Variants in PSMD1 observed in about 807,000 individuals in gnomAD.
PSMD1 encodes 26S proteasome non-ATPase regulatory subunit 1.
A neutral mutation model predicts 119.0 loss-of-function variants in PSMD1; 18 were observed. The ratio of observed to expected loss-of-function variants is 0.15; its 90% CI spans 0.10 to 0.22. The LOEUF (loss-of-function observed/expected upper bound fraction) is 0.22, where lower values mean the gene tolerates loss of function less well. PSMD1 is among the 10% of genes least tolerant of loss of function. The pLI, the probability that PSMD1 is intolerant of heterozygous loss-of-function variation, is 1.00. For missense variants in PSMD1, 702 were observed against 1,158.5 expected, an observed-to-expected ratio of 0.61 and a Z score of 5.72; for synonymous variants, 374 against 396.6, an observed-to-expected ratio of 0.94 and a Z score of 0.68.
chr2:231,085,884 A>G (rs1694419099), intron 15 of PSMD1, among the ~76,000 whole-genome samples: 1 of 152,180 alleles, frequency 6.6e-6, no homozygotes, highest in Admixed American at 6.5e-5. Context: ...TTCTATGCAG[A>G]AAGACTTAGA....
intron 16 of PSMD1, among the ~76,000 whole-genome samples, chr2:231,137,061 A>G (rs931055061): frequency 6.9e-6 from 1 of 145,118 alleles, no homozygotes; most frequent in Non-Finnish European, 1.5e-5. Flanking sequence ...ATAAATATAT[A>G]TATTTTTATG....
intron 16 of PSMD1, among the ~76,000 whole-genome samples, chr2:231,096,563 T>C (rs1352945206): frequency 6.6e-6 from 1 of 152,218 alleles, no homozygotes; most frequent in Non-Finnish European, 1.5e-5. Flanking sequence ...CCACGGGTTA[T>C]GGGAAACAAC....
At chr2:231,090,870 A>G (rs908058957) in intron 16 of PSMD1, among the ~76,000 whole-genome samples, 20 of 152,232 alleles carry the variant, frequency 1.3e-4, no homozygotes, top group African/African-American at 4.3e-4. Context: ...TAAAACATCA[A>G]TGGCTGAGGA....
chr2:231,125,086 C>CGGTT (rs1431438378), intron 16 of PSMD1: 1 of 152,152 alleles, frequency 6.6e-6, no homozygotes, highest in Non-Finnish European at 1.5e-5. Context: ...CCAGCACAGG[C>CGGTT]GGTTGAAAGC....
chr2:231,078,814 T>TG, intron 10 of PSMD1, 67 bp downstream of exon 10: 1 of 1,129,264 alleles, frequency 8.9e-7, no homozygotes, highest in Non-Finnish European at 1.2e-6. Context: ...TTTTTTTTTT[T>TG]TGTGCAGTCT....
intron 22 of PSMD1, 53 bp downstream of exon 22, chr2:231,165,339 G>T: frequency 6.7e-7 from 1 of 1,494,986 alleles, no homozygotes; most frequent in Non-Finnish European, 9.0e-7. Flanking sequence ...CTCTGTCATG[G>T]TCGAGATTCT....
At chr2:231,109,091 T>G (rs772970469) in intron 16 of PSMD1, 4 of 1,614,206 alleles carry the variant, frequency 2.5e-6, no homozygotes, top group Non-Finnish European at 3.4e-6. Context: ...GGGCAGAGCC[T>G]TGTCCTTTCG....
intron 16 of PSMD1, chr2:231,109,513 A>G: frequency 1.0e-6 from 1 of 996,836 alleles, no homozygotes; most frequent in Non-Finnish European, 1.5e-6. Flanking sequence ...TTGTTGGTGC[A>G]TTATAATTCC....
intron 6 of PSMD1, among the ~76,000 whole-genome samples, chr2:231,070,425 C>T (rs1414840575): frequency 6.6e-6 from 1 of 151,880 alleles, no homozygotes; most frequent in Non-Finnish European, 1.5e-5. Flanking sequence ...TTTTGAAAAT[C>T]CAATAATTTA....
At chr2:231,104,885 C>T (rs370252941) in intron 16 of PSMD1, among the ~76,000 whole-genome samples, 2 of 152,106 alleles carry the variant, frequency 1.3e-5, no homozygotes, top group African/African-American at 2.4e-5. Context: ...CATTTACTGT[C>T]GTAGCATGCT....
intron 7 of PSMD1, among the ~76,000 whole-genome samples, chr2:231,073,673 T>C (rs1463523454): frequency 1.3e-5 from 2 of 152,208 alleles, no homozygotes; most frequent in Non-Finnish European, 1.5e-5. Flanking sequence ...TTCTCAGTAG[T>C]GTTTTGTAGA....
At chr2:231,089,573 C>T (rs973052286) in intron 16 of PSMD1, among the ~76,000 whole-genome samples, 3 of 150,510 alleles carry the variant, frequency 2.0e-5, no homozygotes, top group Admixed American at 1.3e-4. Context: ...TCAGGGTTCC[C>T]TAGAGGGACA....
At chr2:231,134,598 TA>T (rs1251912383) in intron 16 of PSMD1, among the ~76,000 whole-genome samples, 1 of 152,216 alleles carries the variant, frequency 6.6e-6, no homozygotes, top group Non-Finnish European at 1.5e-5. Flanking sequence ...CCTGATTTTT[TA>T]TTTCTAGTGT....
At position 231,170,007 on chromosome 2, in the gene PSMD1, T is replaced by A. The variant is rs922128494; in HGVS notation, c.2716-559T>A. 5.9e-5 allele frequency among the ~76,000 whole-genome samples: 9 copies of A among 152,174 alleles called. No individual in the cohort carries two copies. The highest frequency in any genetic ancestry group is 9.7e-5 in the African/African-American group (4 of 41,428). Reference sequence around the variant, plus strand: ...CATTCTGAAATTGCTGGAGAAAAAATTGGCTTTTAATTTATACACTCTCGT... The same window carrying A: ...CATTCTGAAATTGCTGGAGAAAAAAATGGCTTTTAATTTATACACTCTCGT... On this transcript the variant is annotated intron_variant, in intron 23 of 24. Coordinates refer to ENST00000308696, the MANE Select transcript of PSMD1 (RefSeq NM_002807.4). The surrounding 1 kb of genome is among the most constrained non-coding windows in gnomAD (Gnocchi z 4.1).
chr2:231,171,626 G>T (rs1468279169), intron 24 of PSMD1, among the ~76,000 whole-genome samples: 1 of 138,648 alleles, frequency 7.2e-6, no homozygotes, highest in Non-Finnish European at 1.5e-5. Context: ...GCGCAAACTT[G>T]GCTCACCGCA....
intron 8 of PSMD1, 137 bp downstream of exon 8, chr2:231,075,708 T>G: frequency 1.4e-6 from 1 of 702,848 alleles, no homozygotes; most frequent in South Asian, 2.1e-5. Flanking sequence ...GCCTCCCAAG[T>G]AAATGGCTGG....
chr2:231,150,832 T>C (rs1696361927), intron 18 of PSMD1, among the ~76,000 whole-genome samples: 1 of 152,164 alleles, frequency 6.6e-6, no homozygotes, highest in Admixed American at 6.5e-5. Context: ...AAACTGATCC[T>C]TGATGTACAG....
chr2:231,065,659 G>T (rs185465276), intron 4 of PSMD1, among the ~76,000 whole-genome samples: 10 of 152,254 alleles, frequency 6.6e-5, no homozygotes, highest in Admixed American at 6.5e-4. Context: ...CCTTCTTTTG[G>T]TTGTACTTAG....
intron 20 of PSMD1, 176 bp from the exon 21 acceptor site, chr2:231,163,459 A>T (rs1363098968): frequency 9.4e-6 from 5 of 531,500 alleles, no homozygotes; most frequent in Non-Finnish European, 1.7e-5. Flanking sequence ...ACTGCAGGTA[A>T]TTCTGTAAAG....
Sources: gnomAD v4.1 joint callset for allele counts (sites outside exome capture counted in the v4.1 genomes callset) on GRCh38, gnomAD v4.1.1 for gene constraint, Gnocchi (gnomAD v3.1) non-coding constraint, MANE v1.5 for transcripts, NCBI Gene and HGNC (gene_info 2026-07-23, HGNC 2026-07-21) for gene names.